Variants in TOM1L1 observed in about 807,000 individuals in gnomAD.
TOM1L1 encodes TOM1-like protein 1.
In TOM1L1, 64 loss-of-function variants were observed where a neutral mutation model predicts 63.4. The ratio of observed to expected loss-of-function variants is 1.01; its 90% CI spans 0.83 to 1.24. The LOEUF is 1.24. Ranked by LOEUF, TOM1L1 falls within the 50% of genes most tolerant of loss-of-function variation. TOM1L1 has a pLI of 0.00. For missense variants in TOM1L1, 536 were observed against 567.0 expected (o/e 0.95, Z 0.55); for synonymous variants, 166 against 194.4 (o/e 0.85, Z 1.22).
chr17:54,937,081 C>CTTT (rs5821078), intron 9 of TOM1L1, 28 bp from the exon 10 acceptor site: 337 of 1,357,272 alleles, frequency 2.5e-4, no homozygotes, highest in Middle Eastern at 3.8e-4. Context: ...CTACATGACA[C>CTTT]TTTTTTTTTT....
In TOM1L1 at chr17:54,942,737, T is replaced by G. The variant is rs142599760; in HGVS notation, c.1130+3717T>G. Among the ~76,000 whole-genome samples, 5 of 152,340 alleles carry G rather than the reference T, an allele frequency of 3.3e-5. No individual in the cohort carries two copies. In the East Asian group the frequency reaches 7.7e-4, roughly 23 times the overall value. ...GGTTTGGTGTACAGTTTTATTTATT[T>G]TAACATACGTATAGATTCAAATAAC... On this transcript the variant is annotated intron_variant, in intron 11 of 15. Coordinates refer to ENST00000575882, the MANE Select transcript of TOM1L1 (RefSeq NM_005486.3).
intron 7 of TOM1L1, among the ~76,000 whole-genome samples, chr17:54,928,037 A>T (rs1173077843): frequency 6.6e-6 from 1 of 152,224 alleles, no homozygotes; most frequent in Non-Finnish European, 1.5e-5. Context: ...TTGTTCTAGC[A>T]AGGCTGCCAG....
At chr17:54,913,938 C>T in intron 5 of TOM1L1, 65 bp downstream of exon 5, 2 of 1,507,156 alleles carry the variant, frequency 1.3e-6, no homozygotes, top group East Asian at 2.5e-5. Context: ...TTTCTCATTA[C>T]AGGAGACAAC....
chr17:54,915,486 T>C (rs2048571751), intron 6 of TOM1L1, among the ~76,000 whole-genome samples: 1 of 151,432 alleles, frequency 6.6e-6, no homozygotes, highest in Admixed American at 6.6e-5. Context: ...GGTTCTAATC[T>C]TTTTTTTTCC....
At chr17:54,941,938 A>T (rs1390882289) in intron 11 of TOM1L1, among the ~76,000 whole-genome samples, 2 of 152,220 alleles carry the variant, frequency 1.3e-5, no homozygotes, top group African/African-American at 4.8e-5. Context: ...CACTTGTGAG[A>T]GGCAAAATCA....
At chr17:54,937,338 T>G in intron 10 of TOM1L1, 112 bp downstream of exon 10, 4 of 866,374 alleles carry the variant, frequency 4.6e-6, no homozygotes, top group Middle Eastern at 6.0e-4. Context: ...AGGTTGAATG[T>G]CAGAGCGCTA....
chr17:54,927,093 C>G (rs917349208), intron 7 of TOM1L1, among the ~76,000 whole-genome samples: 2 of 152,180 alleles, frequency 1.3e-5, no homozygotes, highest in Non-Finnish European at 2.9e-5. Flanking sequence ...TGTCATTTGA[C>G]TGAAGCCTGT....
chr17:54,949,352 CGTAA>C (rs999731167), intron 12 of TOM1L1, among the ~76,000 whole-genome samples, 162 bp from the exon 13 acceptor site: 24 of 151,978 alleles, frequency 1.6e-4, no homozygotes, highest in Admixed American at 2.0e-4. Context: ...TAGTAAATCT[CGTAA>C]GTGATTATTA....
intron 14 of TOM1L1, among the ~76,000 whole-genome samples, chr17:54,951,385 G>A (rs972310465): frequency 3.3e-5 from 5 of 152,126 alleles, no homozygotes; most frequent in African/African-American, 1.2e-4. Flanking sequence ...GGTTTTTAAT[G>A]GAAGCTTCTT....
At chr17:54,918,698 G>A (rs752882977) in intron 7 of TOM1L1, among the ~76,000 whole-genome samples, 1 of 152,202 alleles carries the variant, frequency 6.6e-6, no homozygotes, top group Non-Finnish European at 1.5e-5. Context: ...ACTTAAGAGA[G>A]TATTTCTCAT....
intron 7 of TOM1L1, among the ~76,000 whole-genome samples, chr17:54,928,135 C>T (rs892011188): frequency 2.6e-5 from 4 of 152,022 alleles, no homozygotes; most frequent in African/African-American, 4.8e-5. Flanking sequence ...ATATTAAATG[C>T]CATTCTTAAT....
chr17:54,924,425 G>A (rs1003766280), intron 7 of TOM1L1, among the ~76,000 whole-genome samples: 38 of 151,938 alleles, frequency 2.5e-4, no homozygotes, highest in Middle Eastern at 3.4e-3. Context: ...GACTACAGGT[G>A]CCCGCCACCA....
intron 2 of TOM1L1, among the ~76,000 whole-genome samples, chr17:54,904,610 A>T (rs548118217): frequency 6.6e-6 from 1 of 152,326 alleles, no homozygotes; most frequent in South Asian, 2.1e-4. Flanking sequence ...ACCCATGTTT[A>T]AGCTGTATTC....
Position 54,915,797 on chromosome 17 carries a change from A to T in TOM1L1, c.655A>T (p.Met219Leu). 6.2e-7 allele frequency: 1 copy of T among 1,613,462 alleles called. No homozygotes were observed. Residue 219 changes from methionine to leucine, a missense_variant, in exon 7 of 16, where the codon ATG becomes TTG. By Grantham distance (15) the Met-to-Leu change is conservative. Coordinates refer to ENST00000575882, the MANE Select transcript of TOM1L1 (RefSeq NM_005486.3). ...LDMVKMNVRV[M>L]SAILMENTPG... ...TATGGTGAAAATGAATGTGCGAGTGATGTCCGCCATATTGATGGAGAATAC... is the reference window on the plus strand; with the variant it reads ...TATGGTGAAAATGAATGTGCGAGTGTTGTCCGCCATATTGATGGAGAATAC...
chr17:54,956,525 C>A (rs991270227), intron 14 of TOM1L1, among the ~76,000 whole-genome samples: 1 of 152,128 alleles, frequency 6.6e-6, no homozygotes, highest in East Asian at 1.9e-4. Flanking sequence ...CCAGGCTGGT[C>A]TCGAACTCTT....
At chr17:54,932,612 G>C (rs141393516) in intron 8 of TOM1L1, among the ~76,000 whole-genome samples, 6 of 152,088 alleles carry the variant, frequency 3.9e-5, no homozygotes. Context: ...GTAGAAACGG[G>C]GTTTCACCAT....
chr17:54,903,784 C>A lies in TOM1L1; in HGVS notation c.135C>A (p.Thr45=). Residue 45 remains threonine (T), a synonymous_variant, in exon 2 of 16, where the codon ACC becomes ACA. Coordinates refer to ENST00000575882, the MANE Select transcript of TOM1L1 (RefSeq NM_005486.3). The stretch of plus-strand genomic sequence containing the variant: ...ACATCTGTGACATAATTAACACTAC[C>A]CAGGATGGGTGAGTACAGCATGGTT... ...FMHICDIINT[T]QDGPKDAVKA... The A allele has an allele frequency of 6.2e-7, 1 of 1,613,986 alleles. No homozygotes were observed. Among genetic ancestry groups the A allele is most frequent in the African/African-American group, 1.3e-5 (1 of 75,024 alleles).
intron 13 of TOM1L1, 141 bp downstream of exon 13, chr17:54,949,764 C>T (rs1301828688): frequency 2.7e-6 from 2 of 744,448 alleles, no homozygotes; most frequent in Non-Finnish European, 4.5e-6. Context: ...AAATTCAGGG[C>T]AGATACCATT....
rs561924652 is a variant in TOM1L1 at position 54,936,709 on chromosome 17, T to C, written c.915T>C (p.Asn305=). 3 of 1,606,892 alleles carry C rather than the reference T, an allele frequency of 1.9e-6. No homozygotes were observed. Among genetic ancestry groups the C allele is most frequent in the African/African-American group, 1.3e-5 (1 of 74,584 alleles). The stretch of plus-strand genomic sequence containing the variant: ...ATAAGAACCAGAAGGAAGCCACCAA[T>C]GTAAGTGATGAGAAATGTTATAAAA... ...EQNKNQKEAT[N]TTSEPSAPSQ... The change falls in exon 9 of 16, where the codon AAT becomes AAC. Residue 305 remains asparagine, a splice_region_variant and synonymous_variant. Coordinates refer to ENST00000575882, the MANE Select transcript of TOM1L1 (RefSeq NM_005486.3).
Sources: allele counts gnomAD v4.1 joint callset (sites outside exome capture counted in the v4.1 genomes callset), GRCh38; gene constraint gnomAD v4.1.1; transcripts MANE v1.5; gene names NCBI Gene and HGNC (gene_info 2026-07-23, HGNC 2026-07-21).